The following CEP128 variants were observed in gnomAD, a reference collection of about 807,000 sequenced individuals.
CEP128 encodes centrosomal protein 128, also known as centrosomal protein 128kDa.
A neutral mutation model predicts 156.7 loss-of-function variants in CEP128; 132 were observed. That is an observed-to-expected ratio of 0.84 (90% CI 0.73 to 0.97). The LOEUF is 0.97. Ranked by LOEUF, CEP128 falls within the 50% of genes least tolerant of loss-of-function variation. The probability of loss-of-function intolerance (pLI) is 0.00; values close to 1 mark genes in which losing one functional copy is unlikely to be tolerated. For missense variants in CEP128, 1,252 were observed against 1,281.9 expected (o/e 0.98, Z 0.36); for synonymous variants, 469 against 448.9 (o/e 1.04, Z -0.57).
intron 19 of CEP128, among the ~76,000 whole-genome samples, chr14:80,673,645 CAAA>C (rs4016509): frequency 1.1e-4 from 5 of 43,964 alleles, no homozygotes; most frequent in African/African-American, 5.0e-4. Context: ...GACTCCGTCT[CAAA>C]AAAAAAAAAA....
At chr14:80,695,582 T>A (rs2139332308) in intron 19 of CEP128, among the ~76,000 whole-genome samples, 1 of 151,970 alleles carries the variant, frequency 6.6e-6, no homozygotes, top group East Asian at 1.9e-4. Flanking sequence ...CCGGGCGTGG[T>A]GGTGCACACC....
intron 20 of CEP128, among the ~76,000 whole-genome samples, chr14:80,573,778 T>C (rs6574589): frequency 0.57 from 86,152 of 151,906 alleles, 24,738 homozygotes; most frequent in East Asian, 0.72. Context: ...TGTACCAAAT[T>C]TAAGGTTGGT....
intron 19 of CEP128, among the ~76,000 whole-genome samples, chr14:80,636,246 C>A (rs17110923): frequency 0.29 from 44,617 of 152,024 alleles, 8,512 homozygotes; most frequent in African/African-American, 0.53. Flanking sequence ...ATGTTAGAAA[C>A]CTAATGACTT....
chr14:80,514,724 G>C, intron 23 of CEP128: 1 of 358,032 alleles, frequency 2.8e-6, no homozygotes, highest in South Asian at 2.2e-5. Flanking sequence ...TCTCTGGTGT[G>C]TTATTTAGTT....
intron 19 of CEP128, among the ~76,000 whole-genome samples, chr14:80,633,109 CCCAGCTATT>C (rs1247814483): frequency 6.6e-6 from 1 of 151,816 alleles, no homozygotes; most frequent in Non-Finnish European, 1.5e-5. Context: ...TGTCTGTAGT[CCCAGCTATT>C]CTGGAGGCTG....
intron 18 of CEP128, among the ~76,000 whole-genome samples, chr14:80,752,569 T>C (rs1899449106): frequency 6.6e-6 from 1 of 152,198 alleles, no homozygotes; most frequent in Non-Finnish European, 1.5e-5. Flanking sequence ...TATTAGATAT[T>C]TATCCACATC....
intron 24 of CEP128, among the ~76,000 whole-genome samples, chr14:80,504,393 G>A (rs1470018341): frequency 1.3e-5 from 2 of 152,160 alleles, no homozygotes; most frequent in Non-Finnish European, 2.9e-5. Flanking sequence ...ATATAGGAAG[G>A]AAGGGAGACG....
intron 19 of CEP128, among the ~76,000 whole-genome samples, chr14:80,596,819 CAAAAAA>C (rs57402112): frequency 4.3e-4 from 6 of 14,056 alleles, no homozygotes; most frequent in African/African-American, 2.6e-3. Context: ...GACACTGTCA[CAAAAAA>C]AAAAAAAAAA....
intron 19 of CEP128, among the ~76,000 whole-genome samples, chr14:80,625,469 A>G (rs1276206392): frequency 6.6e-6 from 1 of 151,410 alleles, no homozygotes; most frequent in African/African-American, 2.4e-5. Flanking sequence ...GAATTTCAGG[A>G]TTTTTTTTCT....
intron 21 of CEP128, among the ~76,000 whole-genome samples, chr14:80,551,535 T>A (rs932070120): frequency 5.3e-5 from 8 of 152,196 alleles, no homozygotes; most frequent in African/African-American, 1.9e-4. Flanking sequence ...TGGAATGGTG[T>A]TAATGTGTGT....
intron 17 of CEP128, among the ~76,000 whole-genome samples, chr14:80,758,559 C>T (rs1899793165): frequency 6.6e-6 from 1 of 150,588 alleles, no homozygotes; most frequent in African/African-American, 2.4e-5. Context: ...CGAACGGTGT[C>T]AGCACAGTGT....
At chr14:80,583,605 CTG>C (rs1364737723) in intron 19 of CEP128, among the ~76,000 whole-genome samples, 2 of 152,140 alleles carry the variant, frequency 1.3e-5, no homozygotes, top group Non-Finnish European at 2.9e-5. Flanking sequence ...GTTTCGAAGT[CTG>C]TATTTTCTAC....
intron 13 of CEP128, among the ~76,000 whole-genome samples, chr14:80,810,709 T>C (rs1023322792): frequency 6.6e-6 from 1 of 152,186 alleles, no homozygotes; most frequent in Non-Finnish European, 1.5e-5. Context: ...TTGGGAAGAT[T>C]GGTATTAGTT....
At chr14:80,940,065 C>T (rs1406702662) in intron 1 of CEP128, among the ~76,000 whole-genome samples, 1 of 152,108 alleles carries the variant, frequency 6.6e-6, no homozygotes, top group African/African-American at 2.4e-5. Context: ...TTAATTGTGA[C>T]TGCTTTCAAA....
At chr14:80,492,893 T>G (rs1887371525), downstream of CEP128, among the ~76,000 whole-genome samples, 1 of 152,138 alleles carries the variant, frequency 6.6e-6, no homozygotes, top group South Asian at 2.1e-4. Flanking sequence ...CTACTTTCCC[T>G]CAGAATATTT....
intron 19 of CEP128, among the ~76,000 whole-genome samples, chr14:80,601,878 A>T (rs1346406722): frequency 6.6e-6 from 1 of 152,150 alleles, no homozygotes; most frequent in Non-Finnish European, 1.5e-5. Context: ...AGTGGCACAC[A>T]TAACTGTAAT....
At chr14:80,608,711 C>T (rs1425163725) in intron 19 of CEP128, among the ~76,000 whole-genome samples, 1 of 152,114 alleles carries the variant, frequency 6.6e-6, no homozygotes, top group African/African-American at 2.4e-5. Flanking sequence ...CCCTGCCTAC[C>T]CTGTTTACCC....
intron 9 of CEP128, among the ~76,000 whole-genome samples, chr14:80,852,838 A>G (rs1886961048): frequency 6.6e-6 from 1 of 151,972 alleles, no homozygotes; most frequent in Non-Finnish European, 1.5e-5. Context: ...CATGCTTCTA[A>G]AACCAAAAAC....
intron 13 of CEP128, among the ~76,000 whole-genome samples, chr14:80,804,983 A>G (rs1419390630): frequency 6.6e-6 from 1 of 152,132 alleles, no homozygotes; most frequent in Non-Finnish European, 1.5e-5. Context: ...CTGTTCTTCA[A>G]CTAAAAGAAA....
Sources: gnomAD v4.1 joint callset for allele counts (sites outside exome capture counted in the v4.1 genomes callset) on GRCh38, gnomAD v4.1.1 for gene constraint, MANE v1.5 for transcripts, NCBI Gene and HGNC (gene_info 2026-07-23, HGNC 2026-07-21) for gene names.